Variants in COL25A1 observed in about 807,000 individuals in gnomAD.
COL25A1 encodes collagen type XXV alpha 1 chain, also known as collagen alpha-1(XXV) chain.
Under a neutral mutation model 128.4 loss-of-function variants are expected in COL25A1, and 103 were observed. The observed-to-expected ratio is 0.80, with a 90% CI of 0.68 to 0.94. COL25A1 has a LOEUF of 0.94. COL25A1 is among the 40% of genes least tolerant of loss of function. The pLI is 0.00. For missense variants in COL25A1, 745 were observed against 840.0 expected (o/e 0.89, Z 1.40); for synonymous variants, 279 against 277.2 (o/e 1.01, Z -0.06).
At chr4:108,889,587 G>A in intron 17 of COL25A1, 114 bp downstream of exon 17, 1 of 884,638 alleles carries the variant, frequency 1.1e-6, no homozygotes, top group Admixed American at 2.2e-5. Flanking sequence ...TATTGTAGGA[G>A]AATAAGAACA....
At chr4:109,041,845 C>T (rs914584052) in intron 5 of COL25A1, among the ~76,000 whole-genome samples, 2 of 152,004 alleles carry the variant, frequency 1.3e-5, no homozygotes, top group Admixed American at 6.6e-5. Context: ...GCAGAGTCTC[C>T]ATCAGTCTGG....
chr4:108,816,809 C>T (rs1731293061), intron 37 of COL25A1, among the ~76,000 whole-genome samples: 1 of 152,138 alleles, frequency 6.6e-6, no homozygotes, highest in Non-Finnish European at 1.5e-5. Flanking sequence ...AGCCTTTGCA[C>T]ATAGAAGGTT....
chr4:109,243,418 C>T (rs1449016633), intron 3 of COL25A1, among the ~76,000 whole-genome samples: 1 of 151,748 alleles, frequency 6.6e-6, no homozygotes, highest in African/African-American at 2.4e-5. Flanking sequence ...GATAGTTACT[C>T]TTTATCCTAA....
At chr4:109,254,509 A>G (rs111709364) in intron 3 of COL25A1, among the ~76,000 whole-genome samples, 19,687 of 103,296 alleles carry the variant, frequency 0.19, 2,721 homozygotes, top group Middle Eastern at 0.29. Context: ...ATATATATGT[A>G]TGTGTGTATA....
chr4:108,891,877 T>C (rs916192996), intron 16 of COL25A1, among the ~76,000 whole-genome samples: 6 of 152,088 alleles, frequency 3.9e-5, no homozygotes, highest in African/African-American at 9.7e-5. Context: ...GAATAAAGAC[T>C]AGATTTAGTT....
At chr4:109,084,206 G>A (rs1015368194) in intron 3 of COL25A1, among the ~76,000 whole-genome samples, 1 of 152,016 alleles carries the variant, frequency 6.6e-6, no homozygotes, top group Non-Finnish European at 1.5e-5. Context: ...GGGACTGGAA[G>A]TTCCTTGAGG....
At chr4:108,944,532 A>G (rs966526506) in intron 8 of COL25A1, among the ~76,000 whole-genome samples, 3 of 152,208 alleles carry the variant, frequency 2.0e-5, no homozygotes, top group African/African-American at 4.8e-5. Flanking sequence ...ATGTCACTTG[A>G]AACAGGATTA....
intron 3 of COL25A1, among the ~76,000 whole-genome samples, chr4:109,253,150 C>A (rs1466210810): frequency 6.6e-6 from 1 of 152,174 alleles, no homozygotes; most frequent in African/African-American, 2.4e-5. Context: ...TCCTCTAGAA[C>A]CACTCTTGGT....
chr4:108,968,582 C>T (rs1219377529), intron 8 of COL25A1, among the ~76,000 whole-genome samples: 10 of 151,878 alleles, frequency 6.6e-5, no homozygotes, highest in Non-Finnish European at 1.5e-4. Flanking sequence ...CTTCCTTCCT[C>T]ATCCCACTCC....
chr4:109,120,618 G>A (rs1184093023), intron 3 of COL25A1, among the ~76,000 whole-genome samples: 2 of 151,940 alleles, frequency 1.3e-5, no homozygotes, highest in East Asian at 1.9e-4. Flanking sequence ...AGACCAGCCT[G>A]GGAAACACGG....
chr4:109,202,829 A>G (rs1578427494), intron 3 of COL25A1, among the ~76,000 whole-genome samples: 1 of 152,314 alleles, frequency 6.6e-6, no homozygotes, highest in East Asian at 1.9e-4. Flanking sequence ...AGATAATAAT[A>G]CTTTTGTAGA....
At chr4:109,233,940 C>T (rs948064508) in intron 3 of COL25A1, among the ~76,000 whole-genome samples, 1 of 152,038 alleles carries the variant, frequency 6.6e-6, no homozygotes, top group African/African-American at 2.4e-5. Context: ...TAACAAGGTC[C>T]ACAACTTGAG....
chr4:109,123,458 T>A (rs1361319526), intron 3 of COL25A1, among the ~76,000 whole-genome samples: 1 of 152,048 alleles, frequency 6.6e-6, no homozygotes, highest in African/African-American at 2.4e-5. Context: ...CTAGCCCATA[T>A]TAATAATGTG....
intron 12 of COL25A1, among the ~76,000 whole-genome samples, chr4:108,919,247 CA>C (rs1745216328): frequency 6.6e-6 from 1 of 152,040 alleles, no homozygotes; most frequent in Non-Finnish European, 1.5e-5. Context: ...ATAATCAAAA[CA>C]AATTGAGATG....
chr4:108,932,255 G>C (rs540323861), intron 11 of COL25A1, among the ~76,000 whole-genome samples: 17 of 152,076 alleles, frequency 1.1e-4, no homozygotes, highest in Admixed American at 1.0e-3. Context: ...TCACATACTG[G>C]GTATTTCAAT....
At chr4:109,263,027 G>A (rs1781552485) in intron 3 of COL25A1, among the ~76,000 whole-genome samples, 1 of 152,082 alleles carries the variant, frequency 6.6e-6, no homozygotes, top group Middle Eastern at 3.2e-3. Context: ...TACTCAGGAG[G>A]CTGAGGCAGC....
At chr4:108,899,302 G>T in intron 14 of COL25A1, 122 bp from the exon 15 acceptor site, 1 of 792,188 alleles carries the variant, frequency 1.3e-6, no homozygotes, top group African/African-American at 1.7e-5. Flanking sequence ...TTCTATTTTG[G>T]CTACATGCAG....
intron 6 of COL25A1, among the ~76,000 whole-genome samples, chr4:109,005,234 T>C (rs1165678125): frequency 6.6e-6 from 1 of 151,776 alleles, no homozygotes; most frequent in Admixed American, 6.6e-5. Flanking sequence ...TGGCAGGGAG[T>C]TGCTACACAC....
intron 3 of COL25A1, among the ~76,000 whole-genome samples, chr4:109,146,077 C>T (rs1351814778): frequency 6.6e-6 from 1 of 152,092 alleles, no homozygotes; most frequent in Non-Finnish European, 1.5e-5. Flanking sequence ...ATAAATTCTT[C>T]ATTAACATTT....
Sources: gnomAD v4.1 joint callset for allele counts (sites outside exome capture counted in the v4.1 genomes callset) on GRCh38, gnomAD v4.1.1 for gene constraint, MANE v1.5 for transcripts, NCBI Gene and HGNC (gene_info 2026-07-23, HGNC 2026-07-21) for gene names.